CSPG4: variants seen among roughly 807,000 people sequenced by gnomAD.
The protein encoded by CSPG4 is chondroitin sulfate proteoglycan 4 (melanoma-associated).
CSPG4 carries 74 observed loss-of-function variants against 139.3 expected under a neutral mutation model. That is an observed-to-expected ratio of 0.53 (90% CI 0.44 to 0.64). The LOEUF is 0.64. Among genes scored for constraint, CSPG4 ranks in the 30% least tolerant of loss-of-function variants. CSPG4 has a pLI of 0.00. For missense variants in CSPG4, 2,565 were observed against 3,148.3 expected (o/e 0.81, Z 4.43); for synonymous variants, 1,234 against 1,394.2 (o/e 0.89, Z 2.56).
chr15:75,699,856 G>T (rs1025427070), intron 1 of CSPG4, among the ~76,000 whole-genome samples: 9 of 152,162 alleles, frequency 5.9e-5, no homozygotes, highest in South Asian at 2.1e-4. Flanking sequence ...TTCCCTCTTG[G>T]ACAGGGAGAT....
rs769205847 is a variant in CSPG4, at chr15:75,687,358, A to G, written c.3707T>C (p.Leu1236Pro). ...GTGCCGGACCAGCTTCAGTGGGGCCAGTGGGCCCTCTAGGGCAATGGTCAC... is the reference window on the plus strand; with the variant it reads ...GTGCCGGACCAGCTTCAGTGGGGCCGGTGGGCCCTCTAGGGCAATGGTCAC... ...LQVTIALEGP[L>P]APLKLVRHKK... is the part of the protein sequence containing the mutation. Residue 1236 changes from leucine (L) to proline (P), a missense_variant, in exon 3 of 10, where the codon CTG becomes CCG. By Grantham distance (98) the Leu-to-Pro change is moderately conservative. This residue lies in a region of CSPG4 where 2,316 missense variants were observed against 2,818.2 expected (regional missense o/e 0.82). Transcript: ENST00000308508. This position sits in a 1 kb window ranked among gnomAD's most constrained non-coding sequence, Gnocchi z 5.4. 6.2e-7 allele frequency: 1 copy of G among 1,612,856 alleles called. No individual in the cohort carries two copies. Among genetic ancestry groups the G allele is most frequent in the Admixed American group, 1.7e-5 (1 of 60,034 alleles).
At chr15:75,680,627 G>A (rs1893960787) in intron 8 of CSPG4, 2 of 153,180 alleles carry the variant, frequency 1.3e-5, no homozygotes, top group South Asian at 2.1e-4. Context: ...GTGGGAGTGA[G>A]ACAAAAAACA....
rs1893908980 is a variant in CSPG4 at position 75,677,350 on chromosome 15, G to A, written c.5169C>T (p.Ile1723=). 5 of 1,409,806 alleles carry A rather than the reference G, an allele frequency of 3.5e-6. No individual in the cohort carries two copies. Among genetic ancestry groups the A allele is most frequent in the Non-Finnish European group, 4.6e-6 (5 of 1,079,058 alleles). The allele number at this position is 1,409,806 out of a possible 1,614,324, so 87.3% of individuals were successfully genotyped here. Residue 1723 remains isoleucine (I), a synonymous_variant, in exon 10 of 10, where the codon ATC becomes ATT. Coordinates refer to ENST00000308508, the MANE Select transcript of CSPG4 (RefSeq NM_001897.5). ...LWVPEGQRAR[I]TVAALDASNL... ...TGGAGGCATCCAGAGCAGCCACGGTGATCCTGGCCCGCTGGCCCTCGGGGA... is the reference window on the plus strand; with the variant it reads ...TGGAGGCATCCAGAGCAGCCACGGTAATCCTGGCCCGCTGGCCCTCGGGGA...
intron 5 of CSPG4, 62 bp from the exon 6 acceptor site, chr15:75,683,103 C>T: frequency 8.0e-6 from 12 of 1,508,204 alleles, no homozygotes; most frequent in Non-Finnish European, 9.9e-6. Context: ...TCCTCCCCGG[C>T]CCTGGGCTGC....
At chr15:75,683,463 C>T (rs8027239) in intron 5 of CSPG4, among the ~76,000 whole-genome samples, 76,462 of 143,470 alleles carry the variant, frequency 0.53, 19,226 homozygotes, top group Middle Eastern at 0.59. Flanking sequence ...TGGCCGGGGC[C>T]GGGCACAGGT....
intron 1 of CSPG4, among the ~76,000 whole-genome samples, chr15:75,709,742 C>T (rs1894421567): frequency 1.3e-5 from 2 of 152,192 alleles, no homozygotes; most frequent in African/African-American, 4.8e-5. Flanking sequence ...GCTCCACACG[C>T]ACCCTACTCC....
Position 75,688,537 on chromosome 15 carries a change from T to C in CSPG4, c.2528A>G (p.Asp843Gly), listed in dbSNP as rs1388241491. The change falls in exon 3 of 10, where the codon GAT (aspartate) becomes GGT (glycine). Residue 843 changes from aspartate to glycine, a missense_variant. Physicochemically the swap from Asp to Gly is moderately conservative, Grantham distance 94. Coordinates refer to ENST00000308508, the MANE Select transcript of CSPG4 (RefSeq NM_001897.5). ...GTCATCCTGGGTGAAGCCCTGGCCA[T>C]CTGACAGCCTTGTGCCCTGTAGTTG... ...NLQLQGTRLS[D>G]GQGFTQDDIQ... is the part of the protein sequence containing the mutation. 1.9e-6 allele frequency: 3 copies of C among 1,613,190 alleles called. No homozygotes were observed. The highest frequency in any genetic ancestry group is 2.7e-5 in the African/African-American group (2 of 75,074).
At chr15:75,709,200 A>G (rs1894413109) in intron 1 of CSPG4, among the ~76,000 whole-genome samples, 1 of 152,174 alleles carries the variant, frequency 6.6e-6, no homozygotes, top group African/African-American at 2.4e-5. Context: ...TTCCTCATAC[A>G]AACTCAGTAG....
intron 1 of CSPG4, among the ~76,000 whole-genome samples, chr15:75,697,436 C>T (rs1188890405): frequency 6.6e-6 from 1 of 152,218 alleles, no homozygotes; most frequent in African/African-American, 2.4e-5. Context: ...ACTCAGCTTC[C>T]ACCTTCCAGA....
At chr15:75,684,234 G>T (rs1275604289) in intron 5 of CSPG4, among the ~76,000 whole-genome samples, 1 of 152,220 alleles carries the variant, frequency 6.6e-6, no homozygotes, top group Non-Finnish European at 1.5e-5. Context: ...CCCACGTCTG[G>T]GCCTCAACTT....
intron 1 of CSPG4, among the ~76,000 whole-genome samples, chr15:75,705,889 G>C (rs1406388605): frequency 6.6e-6 from 1 of 152,146 alleles, no homozygotes; most frequent in African/African-American, 2.4e-5. Context: ...GTCTGTGCCT[G>C]TGTGTATATG....
Position 75,689,989 on chromosome 15 carries a change from C to T in CSPG4, c.1076G>A (p.Ser359Asn), listed in dbSNP as rs1399911598. The T allele has an allele frequency of 1.2e-5, 19 of 1,611,996 alleles. No homozygotes were observed. The Admixed American group carries it at 2.8e-4, about 24-fold the overall frequency. Residue 359 changes from serine (S) to asparagine (N), a missense_variant, in exon 3 of 10, where the codon AGT (serine) becomes AAT (asparagine). Physicochemically the swap from Ser to Asn is conservative, Grantham distance 46. Coordinates refer to ENST00000308508, the MANE Select transcript of CSPG4 (RefSeq NM_001897.5). The stretch of plus-strand genomic sequence containing the variant: ...CAGCCCCCGCCTCTGGCCATTGACA[C>T]TGAGGTCTTCCATGCAGCCCAGCAG... ...ASLLGCMEDL[S>N]VNGQRRGLRE...
At chr15:75,692,815 T>C (rs1451902327) in intron 2 of CSPG4, among the ~76,000 whole-genome samples, 3 of 152,100 alleles carry the variant, frequency 2.0e-5, no homozygotes, top group Non-Finnish European at 1.5e-5. Context: ...CTGAAAGCAG[T>C]TCAGGGCTGT....
At chr15:75,685,132 T>C in intron 4 of CSPG4, 87 bp downstream of exon 4, 1 of 1,482,740 alleles carries the variant, frequency 6.7e-7, no homozygotes, top group African/African-American at 1.4e-5. Flanking sequence ...TCTCTGTGTA[T>C]AACCCCCAGA....
At chr15:75,701,801 A>C in intron 1 of CSPG4, among the ~76,000 whole-genome samples, 1 of 152,150 alleles carries the variant, frequency 6.6e-6, no homozygotes, top group African/African-American at 2.4e-5. Context: ...AGGAGGACTC[A>C]GTGTACTCTC....
intron 1 of CSPG4, among the ~76,000 whole-genome samples, chr15:75,705,920 C>T (rs1008963237): frequency 2.0e-5 from 3 of 150,422 alleles, no homozygotes; most frequent in East Asian, 3.9e-4. Context: ...TGTGTGTGTG[C>T]GTATGTGTGT....
rs745432467 is a variant in CSPG4 at position 75,688,343 on chromosome 15, C to T, written c.2722G>A (p.Val908Met). ...ACACCCTCACCACCCTCAGGCACCA[C>T]GAGGAGGACATTGGTGAGGACAGGC... ...DAPVLTNVLL[V>M]VPEGGEGVLS... The change falls in exon 3 of 10, where the codon GTG (valine) becomes ATG (methionine). Residue 908 changes from valine to methionine, a missense_variant. By Grantham distance (21) the Val-to-Met change is conservative. Around this residue, in one of 5 missense-constraint regions of CSPG4, gnomAD observed 2,316 missense variants for 2,818.2 expected, o/e 0.82. Transcript: ENST00000308508. 26 of 1,613,152 alleles carry T rather than the reference C, an allele frequency of 1.6e-5. No homozygotes were observed. In the African/African-American group the frequency reaches 2.0e-4, roughly 12 times the overall value.
At chr15:75,686,649 C>T (rs1894063702) in intron 3 of CSPG4, among the ~76,000 whole-genome samples, 1 of 152,252 alleles carries the variant, frequency 6.6e-6, no homozygotes, top group Non-Finnish European at 1.5e-5. Flanking sequence ...TTCCTGACTC[C>T]AGATCTGCTG....
chr15:75,687,463 T>C lies in CSPG4; in HGVS notation c.3602A>G (p.His1201Arg), dbSNP rs1333481109. The change falls in exon 3 of 10, where the codon CAC (histidine) becomes CGC (arginine). Residue 1201 changes from histidine to arginine, a missense_variant. Physicochemically the swap from His to Arg is conservative, Grantham distance 29 (BLOSUM62 0). Around this residue, in one of 5 missense-constraint regions of CSPG4, gnomAD observed 2,316 missense variants for 2,818.2 expected, o/e 0.82. Transcript: ENST00000308508. The surrounding 1 kb of genome is among the most constrained non-coding windows in gnomAD (Gnocchi z 5.4). ...DLLDGAVLYS[H>R]NGSLSPRDTM... ...GTCGCGGGGGCTGAGGCTGCCATTG[T>C]GGCTATAGAGAACGGCCCCATCCAG... The C allele has an allele frequency of 3.1e-6, 5 of 1,612,520 alleles. No individual in the cohort carries two copies. The Admixed American group carries it at 6.7e-5, about 21-fold the overall frequency.
Sources: gnomAD v4.1 joint callset for allele counts (sites outside exome capture counted in the v4.1 genomes callset) on GRCh38, gnomAD v4.1.1 for gene constraint, gnomAD v4.1.1 regional missense constraint, Gnocchi (gnomAD v3.1) non-coding constraint, MANE v1.5 for transcripts, NCBI Gene and HGNC (gene_info 2026-07-23, HGNC 2026-07-21) for gene names.